HSD17B2: variants seen among roughly 807,000 people sequenced by gnomAD.
HSD17B2 encodes hydroxysteroid 17-beta dehydrogenase 2, also known as 17-beta-hydroxysteroid dehydrogenase type 2.
HSD17B2 carries 32 observed loss-of-function variants against 26.9 expected under a neutral mutation model. The observed-to-expected ratio is 1.19, with a 90% CI of 0.90 to 1.60. The LOEUF is 1.60. Among genes scored for constraint, HSD17B2 ranks in the 40% most tolerant of loss-of-function variants. The pLI, the probability that HSD17B2 is intolerant of heterozygous loss-of-function variation, is 0.00. For synonymous variants in HSD17B2, 246 were observed against 186.7 expected (o/e 1.32, Z -2.59); for missense variants, 613 against 468.6 (o/e 1.31, Z -2.85).
chr16:82,059,224 C>A (rs769041119), intron 1 of HSD17B2, among the ~76,000 whole-genome samples: 1 of 152,212 alleles, frequency 6.6e-6, no homozygotes, highest in Non-Finnish European at 1.5e-5. Flanking sequence ...TCTCTCTAGA[C>A]CAGGGTTTCT....
chr16:82,081,059 C>G (rs1018372565), intron 3 of HSD17B2, among the ~76,000 whole-genome samples: 2 of 152,104 alleles, frequency 1.3e-5, no homozygotes, highest in African/African-American at 4.8e-5. Flanking sequence ...CTTTCCTCAT[C>G]TTTCCCTCTC....
At position 82,098,197 on chromosome 16, in the gene HSD17B2, T is replaced by C. The variant is rs8191244; in HGVS notation, c.925T>C (p.Leu309=). The C allele has an allele frequency of 8.6e-4, 1,383 of 1,614,138 alleles. 43 individuals carry two copies. The East Asian group carries it at 0.03, about 34-fold the overall frequency. Residue 309 remains leucine (L), a synonymous_variant, in exon 5 of 5, where the codon TTG becomes CTG. Coordinates refer to ENST00000199936, the MANE Select transcript of HSD17B2 (RefSeq NM_002153.3). The part of the protein sequence containing the change: ...YILAQRNFLL[L]INSLASKDFS... ...CTTAGCACAGCGGAATTTCCTCCTATTGATCAACTCGTTAGCCAGCAAGGA... is the reference window on the plus strand; with the variant it reads ...CTTAGCACAGCGGAATTTCCTCCTACTGATCAACTCGTTAGCCAGCAAGGA...
chr16:82,049,425 C>T (rs1048624725), intron 1 of HSD17B2, among the ~76,000 whole-genome samples: 2 of 152,178 alleles, frequency 1.3e-5, no homozygotes, highest in Non-Finnish European at 2.9e-5. Flanking sequence ...CCCCAAGTGC[C>T]AGGTACAAAG....
chr16:82,096,246 G>C (rs1357240680), intron 4 of HSD17B2: 1 of 151,980 alleles, frequency 6.6e-6, no homozygotes, highest in African/African-American at 2.4e-5. Flanking sequence ...TATTGAGATG[G>C]AGTCTCACTC....
At chr16:82,081,692 C>A (rs1904384949) in intron 3 of HSD17B2, among the ~76,000 whole-genome samples, 1 of 152,076 alleles carries the variant, frequency 6.6e-6, no homozygotes, top group Non-Finnish European at 1.5e-5. Context: ...GTATGTCTTC[C>A]CTGAAGGTTA....
Position 82,065,557 on chromosome 16 carries a change from CT to C in HSD17B2, c.266-2612del, listed in dbSNP as rs199525193. Among the ~76,000 whole-genome samples the C allele has an allele frequency of 7.3e-3, 1,109 of 152,290 alleles. 13 individuals are homozygous for C. Among genetic ancestry groups the C allele is most frequent in the African/African-American group, 0.024 (990 of 41,554 alleles). ...ATGGTACCTCACAAAATGGGAAAGG[CT>C]GTCCACGAAACACTTGGTCTCACCC... is the stretch of plus-strand genomic sequence containing the variant. On this transcript the variant is annotated intron_variant, in intron 1 of 4. Coordinates refer to ENST00000199936, the MANE Select transcript of HSD17B2 (RefSeq NM_002153.3).
intron 1 of HSD17B2, among the ~76,000 whole-genome samples, chr16:82,048,282 G>A (rs1304625919): frequency 6.6e-6 from 1 of 152,118 alleles, no homozygotes. Flanking sequence ...GGTGGTGTAG[G>A]GTTCCAAGGA....
intron 1 of HSD17B2, chr16:82,063,189 A>G (rs1597128767): frequency 6.6e-6 from 1 of 152,330 alleles, no homozygotes; most frequent in East Asian, 1.9e-4. Flanking sequence ...AGTCTTAACC[A>G]AGATGTTCAG....
At chr16:82,049,506 A>T (rs1453628628) in intron 1 of HSD17B2, among the ~76,000 whole-genome samples, 1 of 152,246 alleles carries the variant, frequency 6.6e-6, no homozygotes, top group East Asian at 1.9e-4. Flanking sequence ...AGAATAGGCC[A>T]GGTCTGAATA....
At chr16:82,036,724 T>C (rs1913635997) in intron 1 of HSD17B2, among the ~76,000 whole-genome samples, 1 of 152,182 alleles carries the variant, frequency 6.6e-6, no homozygotes, top group Non-Finnish European at 1.5e-5. Context: ...GAAAAGAAGC[T>C]TCTTTAAATT....
intron 3 of HSD17B2, chr16:82,090,045 C>CT (rs1167401561): frequency 1.2e-5 from 2 of 164,008 alleles, no homozygotes; most frequent in Non-Finnish European, 2.5e-5. Context: ...AACAGAGCAT[C>CT]TGCTCTAGCC....
At chr16:82,094,086 C>T (rs926710714) in intron 4 of HSD17B2, 1 of 152,204 alleles carries the variant, frequency 6.6e-6, no homozygotes, top group African/African-American at 2.4e-5. Flanking sequence ...TGCTTTACCA[C>T]ATCCTGTTTT....
intron 1 of HSD17B2, among the ~76,000 whole-genome samples, chr16:82,051,112 T>C (rs1396511923): frequency 1.3e-5 from 2 of 152,242 alleles, no homozygotes; most frequent in Non-Finnish European, 2.9e-5. Context: ...ATCCTATTTG[T>C]TACTTTCATA....
At chr16:82,086,799 A>G (rs955564666) in intron 3 of HSD17B2, among the ~76,000 whole-genome samples, 4 of 152,202 alleles carry the variant, frequency 2.6e-5, no homozygotes, top group African/African-American at 9.6e-5. Context: ...ACACAAATTT[A>G]TTTTCTCACA....
At chr16:82,058,411 G>C (rs1914337148) in intron 1 of HSD17B2, among the ~76,000 whole-genome samples, 1 of 152,032 alleles carries the variant, frequency 6.6e-6, no homozygotes, top group African/African-American at 2.4e-5. Flanking sequence ...CGAAGTATTT[G>C]GGAACTCTCG....
intron 4 of HSD17B2, chr16:82,094,906 G>A (rs562993920): frequency 1.3e-5 from 2 of 152,348 alleles, no homozygotes; most frequent in South Asian, 2.1e-4. Flanking sequence ...AGAAGTTAAG[G>A]AAGTTCCAAA....
Position 82,035,396 on chromosome 16 carries a change from G to A in HSD17B2, c.-29G>A. On this transcript the variant is annotated 5_prime_UTR_variant, in exon 1 of 5. Transcript: ENST00000199936. ...TGCCCGCTAGACTCACTGGCCCTGA[G>A]CACTTGAAGGTGCAGCAAGTCACTG... The A allele has an allele frequency of 6.3e-7, 1 of 1,596,614 alleles. No homozygotes were observed. Among genetic ancestry groups the A allele is most frequent in the Non-Finnish European group, 8.6e-7 (1 of 1,169,552 alleles).
At chr16:82,090,857 T>C (rs1346315100) in intron 3 of HSD17B2, 45 bp from the exon 4 acceptor site, 1 of 1,542,184 alleles carries the variant, frequency 6.5e-7, no homozygotes, top group Non-Finnish European at 8.8e-7. Flanking sequence ...GATGAACAAA[T>C]GAACATTTCT....
chr16:82,062,027 G>C (rs1046190360), intron 1 of HSD17B2, among the ~76,000 whole-genome samples: 4 of 152,132 alleles, frequency 2.6e-5, no homozygotes, highest in South Asian at 2.1e-4. Context: ...TTTAAGACTT[G>C]AACCAACAAA....
Sources: gnomAD v4.1 joint callset for allele counts (sites outside exome capture counted in the v4.1 genomes callset) on GRCh38, gnomAD v4.1.1 for gene constraint, MANE v1.5 for transcripts, NCBI Gene and HGNC (gene_info 2026-07-23, HGNC 2026-07-21) for gene names.